GATAD2B: variants seen among roughly 807,000 people sequenced by gnomAD.
GATAD2B encodes transcriptional repressor p66-beta.
GATAD2B carries 8 observed loss-of-function variants against 64.3 expected under a neutral mutation model. The observed-to-expected ratio is 0.12, with a 90% CI of 0.07 to 0.22. The LOEUF (loss-of-function observed/expected upper bound fraction) is 0.22. GATAD2B is among the 10% of genes least tolerant of loss of function. The pLI is 1.00. For missense variants in GATAD2B, 453 were observed against 752.0 expected, an observed-to-expected ratio of 0.60 and a Z score of 4.65; for synonymous variants, 281 against 271.3, an observed-to-expected ratio of 1.04 and a Z score of -0.35.
intron 1 of GATAD2B, among the ~76,000 whole-genome samples, chr1:153,872,163 T>C (rs1676689671): frequency 6.6e-6 from 1 of 151,020 alleles, no homozygotes; most frequent in Non-Finnish European, 1.5e-5. Flanking sequence ...ACTAAACATA[T>C]GAAAAAGTAG....
At chr1:153,917,502 C>T (rs1678310516) in intron 1 of GATAD2B, among the ~76,000 whole-genome samples, 1 of 151,880 alleles carries the variant, frequency 6.6e-6, no homozygotes. Flanking sequence ...TCAAGCTATT[C>T]TCCTGCCTCG....
At chr1:153,914,769 A>G (rs1467284237) in intron 1 of GATAD2B, 1 of 152,376 alleles carries the variant, frequency 6.6e-6, no homozygotes, top group Non-Finnish European at 1.5e-5. Flanking sequence ...CCCCATCTCT[A>G]CAAAAAATTT....
chr1:153,835,401 T>C (rs1570943858), intron 1 of GATAD2B, among the ~76,000 whole-genome samples: 1 of 152,166 alleles, frequency 6.6e-6, no homozygotes, highest in East Asian at 1.9e-4. Flanking sequence ...TCAATCCATG[T>C]GGCAAACTTC....
chr1:153,849,737 T>G (rs946486086), intron 1 of GATAD2B, among the ~76,000 whole-genome samples: 3 of 152,258 alleles, frequency 2.0e-5, no homozygotes, highest in Non-Finnish European at 4.4e-5. Context: ...TTCAAGCGAT[T>G]CTCCTGCCTC....
At chr1:153,840,345 ATT>A (rs113661660) in intron 1 of GATAD2B, among the ~76,000 whole-genome samples, 10 of 132,440 alleles carry the variant, frequency 7.6e-5, no homozygotes, top group Admixed American at 3.9e-4. Flanking sequence ...GAAAATACTT[ATT>A]TTTTTTTTAG....
chr1:153,885,517 T>C (rs1244931736), intron 1 of GATAD2B, among the ~76,000 whole-genome samples: 1 of 151,646 alleles, frequency 6.6e-6, no homozygotes, highest in African/African-American at 2.4e-5. Context: ...AGGTTAGGAG[T>C]TCGAGACCAG....
chr1:153,897,033 CTTTTT>C (rs764620884), intron 1 of GATAD2B, among the ~76,000 whole-genome samples: 1 of 142,512 alleles, frequency 7.0e-6, no homozygotes, highest in South Asian at 2.2e-4. Flanking sequence ...TCTTAGAACA[CTTTTT>C]TTTTTTTTTT....
chr1:153,815,293 C>CAAAAAAAA (rs71093285), intron 7 of GATAD2B, among the ~76,000 whole-genome samples: 2 of 111,836 alleles, frequency 1.8e-5, no homozygotes, highest in African/African-American at 3.4e-5. Context: ...AAAAAAAAAA[C>CAAAAAAAA]AAAAAAAAAA....
chr1:153,892,896 T>C (rs1244906830), intron 1 of GATAD2B, among the ~76,000 whole-genome samples: 1 of 151,980 alleles, frequency 6.6e-6, no homozygotes, highest in African/African-American at 2.4e-5. Context: ...GGTTTCACAA[T>C]GTTGGCCAAG....
In GATAD2B at chr1:153,896,385, T is replaced by TAAAA. The variant is rs1178292962; in HGVS notation, c.-2+26344_-2+26347dup. Among the ~76,000 whole-genome samples the TAAAA allele has an allele frequency of 2.7e-5, 4 of 147,860 alleles. No individual in the cohort carries two copies. The East Asian group carries it at 8.0e-4, about 29-fold the overall frequency. ...ACAAAAGGGAAAGTAGGAGGGACCA[T>TAAAA]AAAAACAGAATGGCTTGAGGTCCTG... is the stretch of plus-strand genomic sequence containing the variant. On this transcript the variant is annotated intron_variant, in intron 1 of 10. Coordinates refer to ENST00000368655, the MANE Select transcript of GATAD2B (RefSeq NM_020699.4).
chr1:153,915,512 GTT>G (rs926661766), intron 1 of GATAD2B, among the ~76,000 whole-genome samples: 9 of 151,996 alleles, frequency 5.9e-5, no homozygotes, highest in Admixed American at 5.9e-4. Flanking sequence ...GTCAGGGAAG[GTT>G]TCCCAGAAGA....
intron 1 of GATAD2B, among the ~76,000 whole-genome samples, chr1:153,843,883 C>T (rs998310586): frequency 6.7e-6 from 1 of 150,174 alleles, no homozygotes; most frequent in Non-Finnish European, 1.5e-5. Context: ...GGACATCAGG[C>T]AACAATGGAC....
intron 1 of GATAD2B, among the ~76,000 whole-genome samples, chr1:153,851,264 C>T (rs1675888261): frequency 2.0e-5 from 3 of 152,102 alleles, no homozygotes; most frequent in Admixed American, 2.0e-4. Context: ...TCCATGTTGT[C>T]ACTCTTTGGG....
At chr1:153,868,808 T>G (rs1014256659) in intron 1 of GATAD2B, among the ~76,000 whole-genome samples, 21 of 151,004 alleles carry the variant, frequency 1.4e-4, no homozygotes, top group African/African-American at 5.1e-4. Flanking sequence ...CCATCTTGGC[T>G]CACTGCAGCC....
chr1:153,844,421 T>TAAAAAAAAAAAAAAA (rs764420139), intron 1 of GATAD2B, among the ~76,000 whole-genome samples: 1 of 80,280 alleles, frequency 1.2e-5, no homozygotes. Flanking sequence ...TAACAAATTA[T>TAAAAAAAAAAAAAAA]AAAAAAAAAA....
chr1:153,833,978 CT>C (rs145273439), intron 1 of GATAD2B, among the ~76,000 whole-genome samples: 6 of 149,972 alleles, frequency 4.0e-5, no homozygotes, highest in East Asian at 2.0e-4. Context: ...GTCTCTCTCT[CT>C]TTTTTTTTAT....
intron 1 of GATAD2B, among the ~76,000 whole-genome samples, chr1:153,845,278 A>G (rs533973143): frequency 1.3e-5 from 2 of 152,246 alleles, no homozygotes; most frequent in Admixed American, 6.5e-5. Flanking sequence ...AAGGGTGCCA[A>G]GACAGTTCAA....
chr1:153,907,286 AATGAGATATTTACATACAAAGGAATAT>A (rs2101965477), intron 1 of GATAD2B, among the ~76,000 whole-genome samples: 1 of 152,352 alleles, frequency 6.6e-6, no homozygotes, highest in South Asian at 2.1e-4. Flanking sequence ...GGATAAACAA[AATGAGATATTTACATACAAAGGAATAT>A]TATTCAGCCT....
rs542428037 is a variant in GATAD2B, at chr1:153,910,975, T to A, written c.-2+11758A>T. Among the ~76,000 whole-genome samples the A allele has an allele frequency of 7.9e-5, 12 of 152,226 alleles. No homozygotes were observed. In the East Asian group the frequency reaches 1.5e-3, roughly 20 times the overall value. ...TAAATCAAAGAGCATCTGTATATAG[T>A]ACAATAAAAGGTGTTCCCTACAGGT... On this transcript the variant is annotated intron_variant, in intron 1 of 10. Coordinates refer to ENST00000368655, the MANE Select transcript of GATAD2B (RefSeq NM_020699.4).
Sources: allele counts gnomAD v4.1 joint callset (sites outside exome capture counted in the v4.1 genomes callset), GRCh38; gene constraint gnomAD v4.1.1; transcripts MANE v1.5; gene names NCBI Gene and HGNC (gene_info 2026-07-23, HGNC 2026-07-21).